GRIK1: variants seen among roughly 807,000 people sequenced by gnomAD.
GRIK1 encodes glutamate receptor ionotropic, kainate 1.
GRIK1 carries 69 observed loss-of-function variants against 105.7 expected under a neutral mutation model. That is an observed-to-expected ratio of 0.65 (90% CI 0.54 to 0.80). GRIK1 has a LOEUF of 0.80. Ranked by LOEUF, GRIK1 falls within the 30% of genes least tolerant of loss-of-function variation. The pLI is 0.00. For missense variants in GRIK1, 1,109 were observed against 1,167.3 expected (o/e 0.95, Z 0.73); for synonymous variants, 438 against 431.3 (o/e 1.02, Z -0.19).
chr21:29,772,950 T>A (rs543986968), intron 1 of GRIK1, among the ~76,000 whole-genome samples: 11 of 152,160 alleles, frequency 7.2e-5, no homozygotes, highest in East Asian at 1.9e-4. Flanking sequence ...GATTGGAAAA[T>A]TTTTTAACCT....
At chr21:29,748,622 T>C (rs1315297676) in intron 1 of GRIK1, among the ~76,000 whole-genome samples, 1 of 152,242 alleles carries the variant, frequency 6.6e-6, no homozygotes, top group African/African-American at 2.4e-5. Flanking sequence ...TAATCCGTAC[T>C]GAAATAATCC....
intron 1 of GRIK1, among the ~76,000 whole-genome samples, chr21:29,828,376 A>G (rs1221554449): frequency 3.3e-5 from 5 of 152,140 alleles, no homozygotes; most frequent in Non-Finnish European, 5.9e-5. Flanking sequence ...GTAGATTTAC[A>G]TGTTGCTAAA....
chr21:29,680,258 A>G (rs557713476), intron 3 of GRIK1, among the ~76,000 whole-genome samples: 1 of 152,352 alleles, frequency 6.6e-6, no homozygotes, highest in South Asian at 2.1e-4. Context: ...AACATAGCCC[A>G]ATGTCACCAC....
intron 1 of GRIK1, among the ~76,000 whole-genome samples, chr21:29,744,984 G>A (rs2065016116): frequency 6.6e-6 from 1 of 152,170 alleles, no homozygotes; most frequent in African/African-American, 2.4e-5. Flanking sequence ...GGCATTCACA[G>A]TCTTGTGTAG....
chr21:29,824,141 G>A (rs988590063), intron 1 of GRIK1, among the ~76,000 whole-genome samples: 12 of 151,430 alleles, frequency 7.9e-5, no homozygotes, highest in Admixed American at 2.0e-4. Flanking sequence ...AAAGACAACT[G>A]GAAATTAATA....
chr21:29,859,847 G>T (rs932752650), intron 1 of GRIK1, among the ~76,000 whole-genome samples: 22 of 152,298 alleles, frequency 1.4e-4, no homozygotes, highest in African/African-American at 5.1e-4. Flanking sequence ...GCCCAGGCAG[G>T]TATTGTAACT....
At chr21:29,750,940 G>A (rs1262912324) in intron 1 of GRIK1, among the ~76,000 whole-genome samples, 1 of 152,170 alleles carries the variant, frequency 6.6e-6, no homozygotes, top group East Asian at 1.9e-4. Flanking sequence ...GTCAGCGAAG[G>A]GAGATAGGGG....
At chr21:29,781,666 T>C (rs1308135350) in intron 1 of GRIK1, among the ~76,000 whole-genome samples, 2 of 120,834 alleles carry the variant, frequency 1.7e-5, no homozygotes, top group African/African-American at 2.8e-5. Flanking sequence ...TCTTTTTTTT[T>C]TTTTTTTTTT....
intron 1 of GRIK1, among the ~76,000 whole-genome samples, chr21:29,809,383 G>T (rs1227095477): frequency 1.3e-5 from 2 of 152,268 alleles, no homozygotes; most frequent in East Asian, 3.9e-4. Context: ...ACTTCTAAAA[G>T]AAAAGTACAT....
At chr21:29,869,659 C>CTTA (rs1455365771) in intron 1 of GRIK1, among the ~76,000 whole-genome samples, 1 of 152,182 alleles carries the variant, frequency 6.6e-6, no homozygotes, top group Non-Finnish European at 1.5e-5. Flanking sequence ...GTATAGCACT[C>CTTA]TTAAGTGTAA....
At chr21:29,803,744 T>C (rs1285852577) in intron 1 of GRIK1, among the ~76,000 whole-genome samples, 1 of 151,442 alleles carries the variant, frequency 6.6e-6, no homozygotes, top group Non-Finnish European at 1.5e-5. Context: ...AAAAAAAATA[T>C]GTTTTTTTTT....
chr21:29,636,373 A>T (rs1292678384), intron 7 of GRIK1, among the ~76,000 whole-genome samples: 1 of 152,230 alleles, frequency 6.6e-6, no homozygotes, highest in African/African-American at 2.4e-5. Flanking sequence ...TCTACTGAAT[A>T]ATTTTAAGTA....
rs114600162 is a variant in GRIK1 at position 29,769,760 on chromosome 21, G to A, written c.119-75697C>T. ...AATACCTGAGGCTTCTAGAAGCTAG[G>A]AGGGAGACCGGGGACAGATTCTCCC... On this transcript the variant is annotated intron_variant, in intron 1 of 17. Transcript: ENST00000327783. Among the ~76,000 whole-genome samples, 1,118 of 152,196 alleles carry A rather than the reference G, an allele frequency of 7.3e-3. 13 individuals carry two copies. The highest frequency in any genetic ancestry group is 0.026 in the African/African-American group (1,071 of 41,496).
At chr21:29,654,777 C>T (rs1015078552) in intron 5 of GRIK1, 33 bp downstream of exon 5, 23 of 1,241,158 alleles carry the variant, frequency 1.9e-5, no homozygotes, top group Non-Finnish European at 2.7e-5. Context: ...CGTTTCCTAC[C>T]ATGTGGAATA....
At chr21:29,881,847 A>G (rs1003782264) in intron 1 of GRIK1, among the ~76,000 whole-genome samples, 2 of 152,170 alleles carry the variant, frequency 1.3e-5, no homozygotes, top group African/African-American at 4.8e-5. Context: ...TCAAAATACT[A>G]TGTAATATTT....
At chr21:29,633,367 C>T (rs1010378510) in intron 7 of GRIK1, among the ~76,000 whole-genome samples, 28 of 152,058 alleles carry the variant, frequency 1.8e-4, no homozygotes, top group Non-Finnish European at 2.1e-4. Flanking sequence ...GGCGTGGTGG[C>T]GCACGCCTGT....
At chr21:29,603,332 T>A (rs1469217466) in intron 7 of GRIK1, among the ~76,000 whole-genome samples, 1 of 151,884 alleles carries the variant, frequency 6.6e-6, no homozygotes, top group Non-Finnish European at 1.5e-5. Context: ...GCCCAAGTAC[T>A]GTAACACATA....
chr21:29,600,925 C>T (rs2061506184), intron 7 of GRIK1, among the ~76,000 whole-genome samples: 1 of 152,180 alleles, frequency 6.6e-6, no homozygotes, highest in Admixed American at 6.5e-5. Flanking sequence ...TTCACCAGCA[C>T]ATAAAGTACA....
chr21:29,538,523 C>T (rs530862702), intron 16 of GRIK1, among the ~76,000 whole-genome samples: 3 of 152,126 alleles, frequency 2.0e-5, no homozygotes, highest in South Asian at 2.1e-4. Context: ...TAGTTAATAT[C>T]GTCTTGAACA....
Sources: allele counts gnomAD v4.1 joint callset (sites outside exome capture counted in the v4.1 genomes callset), GRCh38; gene constraint gnomAD v4.1.1; transcripts MANE v1.5; gene names NCBI Gene and HGNC (gene_info 2026-07-23, HGNC 2026-07-21).